The following CHRNA10 variants were observed in gnomAD, a reference collection of about 807,000 sequenced individuals.
CHRNA10 encodes cholinergic receptor nicotinic alpha 10 subunit.
Under a neutral mutation model 36.0 loss-of-function variants are expected in CHRNA10, and 31 were observed. The observed-to-expected ratio is 0.86, with a 90% CI of 0.65 to 1.16. CHRNA10 has a LOEUF of 1.16. Among genes scored for constraint, CHRNA10 ranks in the 50% most tolerant of loss-of-function variants. The pLI is 0.00. For synonymous variants in CHRNA10, 302 were observed against 287.0 expected, an observed-to-expected ratio of 1.05 and a Z score of -0.53; for missense variants, 648 against 640.9, an observed-to-expected ratio of 1.01 and a Z score of -0.12.
At chr11:3,667,869 C>A in intron 3 of CHRNA10, 105 bp from the exon 4 acceptor site, 1 of 1,006,358 alleles carries the variant, frequency 9.9e-7, no homozygotes, top group South Asian at 1.8e-5. Context: ...GAAACCAAAA[C>A]TTCTCCCCAG....
Position 3,667,576 on chromosome 11 carries a change from A to C in CHRNA10, c.551T>G (p.Val184Gly), listed in dbSNP as rs1490470758. 1.9e-6 allele frequency: 3 copies of C among 1,557,568 alleles called. No homozygotes were observed. Among genetic ancestry groups the C allele is most frequent in the Non-Finnish European group, 1.7e-6 (2 of 1,156,828 alleles). ...GCTGGCTGCAGCGCCGCGCGGCCGC[A>C]CATCCAGTTGGTGCCCGCCGTGAGT... Reference protein sequence around the residue: ...SWTHGGHQLDVRPRGAAASLA... With the variant: ...SWTHGGHQLDGRPRGAAASLA... The change falls in exon 4 of 5, where the codon GTG (valine) becomes GGG (glycine). Residue 184 changes from valine (V) to glycine (G), a missense_variant. Physicochemically the swap from Val to Gly is moderately radical, Grantham distance 109. Coordinates refer to ENST00000250699, the MANE Select transcript of CHRNA10 (RefSeq NM_020402.4).
At chr11:3,671,217 A>T in intron 1 of CHRNA10, 35 bp downstream of exon 1, 8 of 1,604,646 alleles carry the variant, frequency 5.0e-6, no homozygotes, top group Non-Finnish European at 6.8e-6. Context: ...TAGCACCACC[A>T]GGAGAGGCCA....
intron 1 of CHRNA10, 29 bp from the exon 2 acceptor site, chr11:3,669,970 T>A: frequency 6.2e-7 from 1 of 1,613,726 alleles, no homozygotes; most frequent in Non-Finnish European, 8.5e-7. Context: ...GGGTTGTCCA[T>A]CCCAGGCCCT....
intron 1 of CHRNA10, among the ~76,000 whole-genome samples, chr11:3,670,576 A>G (rs1285336892): frequency 6.6e-6 from 1 of 152,188 alleles, no homozygotes; most frequent in Non-Finnish European, 1.5e-5. Context: ...CTGAGGGTCC[A>G]AAATATGAAC....
rs1023617829 is a variant in CHRNA10, at chr11:3,669,483, G to C, written c.208-133C>G. The C allele has an allele frequency of 3.5e-6, 4 of 1,129,798 alleles. No individual in the cohort carries two copies. The African/African-American group carries it at 6.2e-5, about 17-fold the overall frequency. The allele number at this position is 1,129,798 out of a possible 1,614,324, so 70.0% of individuals were successfully genotyped here. A position where few individuals can be genotyped will look rare whatever the true frequency, so the allele number is the denominator to read the frequency against. On this transcript the variant is annotated intron_variant, in intron 2 of 4. Transcript: ENST00000250699. ...GTCCATACCGTCCAGTTCCCACCCA[G>C]ACCTGACCTTGCCATGTGACCTTAG...
In CHRNA10 at chr11:3,671,332, C is replaced by T. The variant is rs750584164; in HGVS notation, c.-20G>A. The T allele has an allele frequency of 2.0e-5, 33 of 1,613,616 alleles. No individual in the cohort carries two copies. Among genetic ancestry groups the T allele is most frequent in the Admixed American group, 3.3e-5 (2 of 59,990 alleles). On this transcript the variant is annotated 5_prime_UTR_variant, in exon 1 of 5. Coordinates refer to ENST00000250699, the MANE Select transcript of CHRNA10 (RefSeq NM_020402.4). ...CCCCATGGCCCTGGCACTGCAAGAG[C>T]GGGGGCAGGTCTCTGGATGTGAGGC...
At chr11:3,671,124 T>TA (rs2077710739) in intron 1 of CHRNA10, 128 bp downstream of exon 1, 1 of 985,908 alleles carries the variant, frequency 1.0e-6, no homozygotes, top group Admixed American at 1.9e-5. Flanking sequence ...ACTCCCCAAA[T>TA]AGAGAGCTTG....
In CHRNA10 at chr11:3,666,418, G is replaced by A. The variant is rs1305594445; in HGVS notation, c.1042C>T (p.Leu348=). Residue 348 remains leucine (L), a synonymous_variant, in exon 5 of 5, where the codon CTG becomes TTG. Coordinates refer to ENST00000250699, the MANE Select transcript of CHRNA10 (RefSeq NM_020402.4). ...GGCTCCCCTCTTTCCCGCACGCACA[G>A]GCCCCGTGCCAGGTGTCCCAGCAGG... ...ALLLGHLARG[L]CVRERGEPCG... 6.2e-7 allele frequency: 1 copy of A among 1,614,026 alleles called. No individual in the cohort carries two copies. The highest frequency in any genetic ancestry group is 1.7e-5 in the Admixed American group (1 of 60,012).
chr11:3,668,655 G>A (rs893762340), intron 3 of CHRNA10: 4 of 152,340 alleles, frequency 2.6e-5, no homozygotes, highest in Non-Finnish European at 5.9e-5. Context: ...GAAGGGCCCA[G>A]AAGGGACACA....
Position 3,667,691 on chromosome 11 carries a change from C to T in CHRNA10, c.436G>A (p.Ala146Thr), listed in dbSNP as rs200221704. The T allele has an allele frequency of 1.1e-3, 1,670 of 1,571,552 alleles. 2 individuals carry two copies. The highest frequency in any genetic ancestry group is 1.4e-3 in the Admixed American group (82 of 57,014). The change falls in exon 4 of 5, where the codon GCG (alanine) becomes ACG (threonine). Residue 146 changes from alanine to threonine, a missense_variant. By Grantham distance (58) the Ala-to-Thr change is moderately conservative. Transcript: ENST00000250699. ...CACGAGCTGCGCGTGATGGCCGGCG[C>T]GTCCCAGCGCACGGCGCCATCGTGG... is the stretch of plus-strand genomic sequence containing the variant. The part of the protein sequence containing the change: ...LRHDGAVRWD[A>T]PAITRSSCRV...
chr11:3,667,755 C>T lies in CHRNA10; in HGVS notation c.372G>A (p.Ala124=), dbSNP rs1446305607. The T allele has an allele frequency of 3.9e-6, 6 of 1,535,328 alleles. No individual in the cohort carries two copies. Among genetic ancestry groups the T allele is most frequent in the African/African-American group, 2.8e-5 (2 of 71,136 alleles). The change falls in exon 4 of 5, where the codon GCG becomes GCA. Residue 124 remains alanine, a synonymous_variant. Transcript: ENST00000250699. ...TGGTGCTGGCGGAACCTGGAGGCTGCGCGTCGGCTCTGGGGGCAGGCGGGG... is the reference window on the plus strand; with the variant it reads ...TGGTGCTGGCGGAACCTGGAGGCTGTGCGTCGGCTCTGGGGGCAGGCGGGG... ...PDIVLYNKAD[A]QPPGSASTNV... is the part of the protein sequence containing the mutation.
At chr11:3,667,093 T>C in intron 4 of CHRNA10, 139 bp downstream of exon 4, 4 of 1,355,530 alleles carry the variant, frequency 3.0e-6, no homozygotes, top group Non-Finnish European at 3.9e-6. Context: ...CCCTCAGTCT[T>C]AAAATGAGGG....
chr11:3,667,580 C>G lies in CHRNA10; in HGVS notation c.547G>C (p.Asp183His), dbSNP rs775669605. 1 of 1,556,390 alleles carries G rather than the reference C, an allele frequency of 6.4e-7. No homozygotes were observed. Among genetic ancestry groups the G allele is most frequent in the Non-Finnish European group, 8.7e-7 (1 of 1,156,066 alleles). ...GSWTHGGHQL[D>H]VRPRGAAASL... ...GCTGCAGCGCCGCGCGGCCGCACAT[C>G]CAGTTGGTGCCCGCCGTGAGTCCAG... The change falls in exon 4 of 5, where the codon GAT (aspartate) becomes CAT (histidine). Residue 183 changes from aspartate to histidine, a missense_variant. Asp to His is a moderately conservative substitution (Grantham distance 81). Transcript: ENST00000250699.
chr11:3,666,617 G>A, intron 4 of CHRNA10, 53 bp from the exon 5 acceptor site: 1 of 1,369,128 alleles, frequency 7.3e-7, no homozygotes, highest in Non-Finnish European at 9.9e-7. Context: ...TGTGGTTCCT[G>A]AGCTTCCCAG....
chr11:3,666,586 A>C, intron 4 of CHRNA10, 22 bp from the exon 5 acceptor site: 1 of 1,504,494 alleles, frequency 6.6e-7, no homozygotes, highest in South Asian at 1.3e-5. Flanking sequence ...AGAGAAAGCC[A>C]ATTGACTCAA....
Position 3,667,418 on chromosome 11 carries a change from C to T in CHRNA10, c.709G>A (p.Ala237Thr), listed in dbSNP as rs370949315. Reference protein sequence around the residue: ...TFTLLLRRRAAAYVCNLLLPC... With the variant: ...TFTLLLRRRATAYVCNLLLPC... Reference sequence around the variant, plus strand: ...AGCAGCAGGTTGCACACGTAGGCGGCGGCGCGGCGGCGCAGCAGCAGCGTG... The same window carrying T: ...AGCAGCAGGTTGCACACGTAGGCGGTGGCGCGGCGGCGCAGCAGCAGCGTG... Residue 237 changes from alanine (A) to threonine (T), a missense_variant, in exon 4 of 5, where the codon GCC (alanine) becomes ACC (threonine). By Grantham distance (58) the Ala-to-Thr change is moderately conservative (BLOSUM62 0). Coordinates refer to ENST00000250699, the MANE Select transcript of CHRNA10 (RefSeq NM_020402.4). 24 of 1,596,330 alleles carry T rather than the reference C, an allele frequency of 1.5e-5. No individual in the cohort carries two copies. The South Asian group carries it at 2.0e-4, about 13-fold the overall frequency.
chr11:3,671,375 G>C lies in CHRNA10; in HGVS notation c.-63C>G. 1 of 1,515,726 alleles carries C rather than the reference G, an allele frequency of 6.6e-7. No homozygotes were observed. 93.9% of individuals were successfully genotyped at this position (1,515,726 alleles called of 1,614,324 possible). ...TGTGAGGCCTCCTGGCCAGACCTAG[G>C]GCAAAATTAGGCCCAGCTGGCAAGG... On this transcript the variant is annotated 5_prime_UTR_variant, in exon 1 of 5. Coordinates refer to ENST00000250699, the MANE Select transcript of CHRNA10 (RefSeq NM_020402.4).
Position 3,667,457 on chromosome 11 carries a change from G to C in CHRNA10, c.670C>G (p.Pro224Ala), listed in dbSNP as rs772484008. The C allele has an allele frequency of 6.3e-7, 1 of 1,594,310 alleles. No homozygotes were observed. The highest frequency in any genetic ancestry group is 8.5e-7 in the Non-Finnish European group (1 of 1,175,998). Residue 224 changes from proline (P) to alanine (A), a missense_variant, in exon 4 of 5, where the codon CCC becomes GCC. Coordinates refer to ENST00000250699, the MANE Select transcript of CHRNA10 (RefSeq NM_020402.4). Reference protein sequence around the residue: ...LTYGCCSEPYPDVTFTLLLRR... With the variant: ...LTYGCCSEPYADVTFTLLLRR... ...AGCAGCAGCGTGAAGGTGACGTCGGGGTAGGGCTCGGAGCAGCAGCCGTAG... is the reference window on the plus strand; with the variant it reads ...AGCAGCAGCGTGAAGGTGACGTCGGCGTAGGGCTCGGAGCAGCAGCCGTAG...
At chr11:3,668,883 G>A (rs2133975191) in intron 3 of CHRNA10, 3 of 249,460 alleles carry the variant, frequency 1.2e-5, no homozygotes, top group Non-Finnish European at 2.3e-5. Context: ...CCCTTACACA[G>A]GCTCTTCGGG....
Sources: gnomAD v4.1 joint callset for allele counts (sites outside exome capture counted in the v4.1 genomes callset) on GRCh38, gnomAD v4.1.1 for gene constraint, MANE v1.5 for transcripts, NCBI Gene and HGNC (gene_info 2026-07-23, HGNC 2026-07-21) for gene names.